The following TMEM272 variants were observed in gnomAD, a reference collection of about 807,000 sequenced individuals.
TMEM272 encodes the protein long intergenic non-protein coding RNA 282.
Under a neutral mutation model 3.7 loss-of-function variants are expected in TMEM272, and 8 were observed. The observed-to-expected ratio is 2.17, with a 90% CI of 1.27 to 3.91. TMEM272 has a LOEUF of 3.91. TMEM272 is among the 30% of genes most tolerant of loss of function. The pLI is 0.00. For missense variants in TMEM272, 166 were observed against 91.5 expected (o/e 1.81, Z -3.32); for synonymous variants, 63 against 39.8 (o/e 1.58, Z -2.20).
the TMEM272 span, among the ~76,000 whole-genome samples, chr13:51,850,838 G>C: frequency 6.6e-6 from 1 of 152,054 alleles, no homozygotes; most frequent in Non-Finnish European, 1.5e-5. Flanking sequence ...ACAATAGAAA[G>C]AAATGTTTCA....
At chr13:51,847,214 C>A (rs150639364), upstream of TMEM272, among the ~76,000 whole-genome samples, 24 of 152,272 alleles carry the variant, frequency 1.6e-4, no homozygotes, top group African/African-American at 5.5e-4. Flanking sequence ...GGGAACAGTA[C>A]TGGTCCCTAG....
intron 2 of TMEM272, among the ~76,000 whole-genome samples, chr13:51,836,204 C>A (rs1411266651): frequency 6.6e-6 from 1 of 152,132 alleles, no homozygotes; most frequent in African/African-American, 2.4e-5. Context: ...GGGAGTTCAG[C>A]CCTTTTTCTC....
At chr13:51,887,031 AC>A in the TMEM272 span, among the ~76,000 whole-genome samples, 1 of 152,156 alleles carries the variant, frequency 6.6e-6, no homozygotes, top group Non-Finnish European at 1.5e-5. Flanking sequence ...TGCAAGACCC[AC>A]CTTAAAATTA....
the TMEM272 span, among the ~76,000 whole-genome samples, chr13:51,867,918 G>A: frequency 2.0e-5 from 3 of 152,140 alleles, no homozygotes; most frequent in Non-Finnish European, 2.9e-5. Context: ...AAAAGCTGCA[G>A]ATTCAAAAAT....
the TMEM272 span, among the ~76,000 whole-genome samples, chr13:51,862,568 C>T: frequency 9.9e-5 from 15 of 152,280 alleles, no homozygotes; most frequent in African/African-American, 2.9e-4. Context: ...AACACCTATC[C>T]TGTGGCAGAA....
chr13:51,858,695 G>C, the TMEM272 span, among the ~76,000 whole-genome samples: 5 of 152,186 alleles, frequency 3.3e-5, no homozygotes, highest in Non-Finnish European at 7.3e-5. Context: ...GATTAGGCTT[G>C]TGGACACACA....
chr13:51,916,262 T>G, the TMEM272 span, among the ~76,000 whole-genome samples: 9 of 152,186 alleles, frequency 5.9e-5, no homozygotes, highest in African/African-American at 2.2e-4. Flanking sequence ...TCCTGTGCAT[T>G]ACAGAAGCCT....
the TMEM272 span, among the ~76,000 whole-genome samples, chr13:51,883,526 C>T: frequency 6.6e-6 from 1 of 152,078 alleles, no homozygotes; most frequent in African/African-American, 2.4e-5. Context: ...TTTTTATGGG[C>T]TTAGAAGGGG....
chr13:51,879,158 CAG>C, the TMEM272 span, among the ~76,000 whole-genome samples: 3 of 152,110 alleles, frequency 2.0e-5, no homozygotes, highest in Non-Finnish European at 4.4e-5. Context: ...GGCTGAGAAA[CAG>C]AGAAAGCCAG....
chr13:51,930,982 C>A, the TMEM272 span, among the ~76,000 whole-genome samples: 3 of 152,040 alleles, frequency 2.0e-5, no homozygotes, highest in Middle Eastern at 6.8e-3. Flanking sequence ...ATGAGAATTA[C>A]TGCATTTGTT....
rs999554495 is a variant in TMEM272, at chr13:51,814,384, C to T, written c.*2367G>A. The T allele has an allele frequency of 5.3e-5, 8 of 152,246 alleles. No homozygotes were observed. Among genetic ancestry groups the T allele is most frequent in the African/African-American group, 1.9e-4 (8 of 41,460 alleles). 9.4% of individuals were successfully genotyped at this position (152,246 alleles called of 1,614,324 possible). On this transcript the variant is annotated 3_prime_UTR_variant, in exon 5 of 5. Transcript: ENST00000629372. ...GCGCTTGAAGATGTCACCCACTGAA[C>T]CATTCAGTGTCCCCTCTATGAATGG...
the TMEM272 span, among the ~76,000 whole-genome samples, chr13:51,872,621 T>C: frequency 1.3e-5 from 2 of 152,024 alleles, no homozygotes; most frequent in Admixed American, 1.3e-4. Flanking sequence ...TTCAGAATAC[T>C]GGGAGCAAAG....
At chr13:51,883,238 T>TG in the TMEM272 span, among the ~76,000 whole-genome samples, 2 of 152,112 alleles carry the variant, frequency 1.3e-5, no homozygotes, top group Non-Finnish European at 2.9e-5. Context: ...GCTTGGCAAA[T>TG]GGGGGCACGT....
At chr13:51,870,414 A>C in the TMEM272 span, among the ~76,000 whole-genome samples, 166 of 152,348 alleles carry the variant, frequency 1.1e-3, no homozygotes, top group African/African-American at 3.7e-3. Context: ...AGAAAAAACA[A>C]AGAATAATTT....
At chr13:51,847,933 AT>A (rs1956314279), upstream of TMEM272, among the ~76,000 whole-genome samples, 1 of 152,198 alleles carries the variant, frequency 6.6e-6, no homozygotes, top group African/African-American at 2.4e-5. Context: ...ACATCAAAGA[AT>A]ATTTTTCTGC....
chr13:51,839,849 A>G (rs1401703240), intron 1 of TMEM272, among the ~76,000 whole-genome samples: 1 of 152,226 alleles, frequency 6.6e-6, no homozygotes, highest in Non-Finnish European at 1.5e-5. Flanking sequence ...CTAGCACACA[A>G]GCACGGTGGT....
the TMEM272 span, among the ~76,000 whole-genome samples, chr13:51,875,853 G>A: frequency 1.3e-5 from 2 of 152,148 alleles, no homozygotes; most frequent in Non-Finnish European, 2.9e-5. Flanking sequence ...GTGGGAGACA[G>A]CTGTCTTTTC....
chr13:51,932,626 A>G, the TMEM272 span: 86,774 of 152,122 alleles, frequency 0.57, 24,865 homozygotes, highest in Middle Eastern at 0.64. Flanking sequence ...CGTGAAGACA[A>G]GACGGCACTG....
the TMEM272 span, among the ~76,000 whole-genome samples, chr13:51,887,542 G>A: frequency 6.6e-6 from 1 of 152,210 alleles, no homozygotes; most frequent in Non-Finnish European, 1.5e-5. Flanking sequence ...AGACTGCCCA[G>A]GACAGACAGG....
Sources: gnomAD v4.1 joint callset for allele counts (sites outside exome capture counted in the v4.1 genomes callset) on GRCh38, gnomAD v4.1.1 for gene constraint, MANE v1.5 for transcripts, NCBI Gene and HGNC (gene_info 2026-07-23, HGNC 2026-07-21) for gene names.